FANCL: variants seen among roughly 807,000 people sequenced by gnomAD.
FANCL encodes the protein E3 ubiquitin-protein ligase FANCL.
FANCL carries 69 observed loss-of-function variants against 59.4 expected under a neutral mutation model. The ratio of observed to expected loss-of-function variants is 1.16; its 90% CI spans 0.96 to 1.42. FANCL has a LOEUF of 1.42. Among genes scored for constraint, FANCL ranks in the 40% most tolerant of loss-of-function variants. The pLI, the probability that FANCL is intolerant of heterozygous loss-of-function variation, is 0.00. For synonymous variants in FANCL, 180 were observed against 147.1 expected (o/e 1.22, Z -1.62); for missense variants, 519 against 447.2 (o/e 1.16, Z -1.45).
chr2:58,183,436 C>A (rs1688115513), intron 7 of FANCL, among the ~76,000 whole-genome samples: 1 of 151,810 alleles, frequency 6.6e-6, no homozygotes, highest in Non-Finnish European at 1.5e-5. Context: ...TTACAGCACT[C>A]CCCTTATTAG....
chr2:58,169,045 G>A (rs1686255607), intron 7 of FANCL, among the ~76,000 whole-genome samples: 1 of 152,150 alleles, frequency 6.6e-6, no homozygotes, highest in African/African-American at 2.4e-5. Flanking sequence ...AAATGTTCCT[G>A]CCTGCTGGCT....
chr2:58,179,479 T>TG (rs1175552797), intron 7 of FANCL, among the ~76,000 whole-genome samples: 2 of 152,160 alleles, frequency 1.3e-5, no homozygotes, highest in Non-Finnish European at 2.9e-5. Context: ...AAACAAGCAA[T>TG]GGGGAAAGGA....
intron 5 of FANCL, among the ~76,000 whole-genome samples, chr2:58,219,238 G>A (rs1247286435): frequency 1.6e-5 from 2 of 124,328 alleles, no homozygotes; most frequent in Admixed American, 1.9e-4. Flanking sequence ...AAGGACACAG[G>A]AGCCAACTGA....
chr2:58,174,083 C>T (rs560818312), intron 7 of FANCL, among the ~76,000 whole-genome samples: 1 of 152,162 alleles, frequency 6.6e-6, no homozygotes, highest in Non-Finnish European at 1.5e-5. Flanking sequence ...ACAAGAGGAG[C>T]TAACTATCCT....
chr2:58,202,718 C>T (rs1690167716), intron 6 of FANCL, among the ~76,000 whole-genome samples: 1 of 151,686 alleles, frequency 6.6e-6, no homozygotes, highest in Admixed American at 6.6e-5. Flanking sequence ...CAAAATGGAC[C>T]ATATTAAATT....
intron 5 of FANCL, among the ~76,000 whole-genome samples, chr2:58,207,424 C>T (rs149741023): frequency 6.6e-6 from 1 of 152,292 alleles, no homozygotes; most frequent in East Asian, 1.9e-4. Flanking sequence ...AATAGCCACA[C>T]ATGGCTACTG....
rs543748690 is a variant in FANCL at position 58,219,553 on chromosome 2, C to T, written c.374+2389G>A. 5.9e-5 allele frequency among the ~76,000 whole-genome samples: 9 copies of T among 151,764 alleles called. No individual in the cohort carries two copies. The East Asian group carries it at 1.4e-3, about 23-fold the overall frequency. ...ACAGTAACTTTACGGTGCAGAAACC[C>T]GACAAATACTACCTCACCAGGTAAT... On this transcript the variant is annotated intron_variant, in intron 5 of 13. Coordinates refer to ENST00000233741, the MANE Select transcript of FANCL (RefSeq NM_018062.4).
At chr2:58,159,845 A>AAAAAT in intron 13 of FANCL, 45 bp from the exon 14 acceptor site, 3 of 1,608,240 alleles carry the variant, frequency 1.9e-6, no homozygotes, top group Non-Finnish European at 2.5e-6. Flanking sequence ...GGACACTCTA[A>AAAAAT]AAAATAAAAT....
chr2:58,174,028 A>C (rs1442970986), intron 7 of FANCL, among the ~76,000 whole-genome samples: 2 of 152,088 alleles, frequency 1.3e-5, no homozygotes, highest in African/African-American at 4.8e-5. Context: ...CAAAGATCAA[A>C]AGAGACAAAG....
intron 1 of FANCL, among the ~76,000 whole-genome samples, chr2:58,233,863 G>C (rs921659294): frequency 6.6e-6 from 1 of 151,982 alleles, no homozygotes; most frequent in Non-Finnish European, 1.5e-5. Context: ...GCAGAAGATA[G>C]GAGAAAAGAT....
intron 8 of FANCL, among the ~76,000 whole-genome samples, chr2:58,165,497 G>A (rs1279953621): frequency 6.6e-6 from 1 of 152,074 alleles, no homozygotes; most frequent in East Asian, 1.9e-4. Flanking sequence ...ACTTCTGAAT[G>A]TTACCTCCAT....
chr2:58,168,202 G>A lies in FANCL; in HGVS notation c.541-2328C>T, dbSNP rs545498114. On this transcript the variant is annotated intron_variant, in intron 7 of 13. Transcript: ENST00000233741. Reference sequence around the variant, plus strand: ...ACAGCTCCAGTCTGCAGCTCCCAGCGAGATCAAGGCAGAAGGCAGGTGATT... The same window carrying A: ...ACAGCTCCAGTCTGCAGCTCCCAGCAAGATCAAGGCAGAAGGCAGGTGATT... Among the ~76,000 whole-genome samples, 13 of 152,288 alleles carry A rather than the reference G, an allele frequency of 8.5e-5. No individual in the cohort carries two copies. In the South Asian group the frequency reaches 1.9e-3, roughly 22 times the overall value.
chr2:58,203,302 G>A (rs1387948789), intron 6 of FANCL, among the ~76,000 whole-genome samples: 1 of 151,484 alleles, frequency 6.6e-6, no homozygotes, highest in Non-Finnish European at 1.5e-5. Flanking sequence ...TTTCTCTTGT[G>A]GAAAGCTTAA....
intron 1 of FANCL, among the ~76,000 whole-genome samples, chr2:58,235,402 A>G (rs546533330): frequency 6.6e-6 from 1 of 152,192 alleles, no homozygotes; most frequent in African/African-American, 2.4e-5. Flanking sequence ...TAGAGTGCTC[A>G]GAAGGTGTTG....
intron 7 of FANCL, among the ~76,000 whole-genome samples, chr2:58,171,735 G>A (rs944465162): frequency 2.0e-5 from 3 of 152,208 alleles, no homozygotes; most frequent in African/African-American, 4.8e-5. Flanking sequence ...ATCTCACTAG[G>A]GAGTGCCAGA....
At position 58,165,866 on chromosome 2, in the gene FANCL, T is replaced by G; in HGVS notation, c.549A>C (p.Leu183Phe). 1 of 1,613,978 alleles carries G rather than the reference T, an allele frequency of 6.2e-7. No homozygotes were observed. Among genetic ancestry groups the G allele is most frequent in the East Asian group, 2.2e-5 (1 of 44,846 alleles). The part of the protein sequence containing the change: ...FCASWTPQSS[L>F]ISIYSQFLAA... The stretch of plus-strand genomic sequence containing the variant: ...CCAAAAACTGACTATAAATGCTTAT[T>G]AAGGAGCTCTGTGAAAAAAATGAAA... The change falls in exon 8 of 14, where the codon TTA becomes TTC. Residue 183 changes from leucine to phenylalanine, a missense_variant. Transcript: ENST00000233741.
chr2:58,192,998 T>G (rs1315565527), intron 7 of FANCL, among the ~76,000 whole-genome samples: 1 of 151,910 alleles, frequency 6.6e-6, no homozygotes, highest in Non-Finnish European at 1.5e-5. Context: ...TTAAAAAGAT[T>G]GCATTAAAAA....
At chr2:58,240,891 T>C (rs1230147655) in intron 1 of FANCL, among the ~76,000 whole-genome samples, 3 of 151,206 alleles carry the variant, frequency 2.0e-5, no homozygotes, top group Non-Finnish European at 4.4e-5. Context: ...AGGCAAAATT[T>C]ACAAAAAAAA....
intron 4 of FANCL, among the ~76,000 whole-genome samples, chr2:58,224,174 A>G: frequency 6.6e-6 from 1 of 151,838 alleles, no homozygotes. Flanking sequence ...GTGACTTACA[A>G]TTTAATGAAG....
Sources: allele counts gnomAD v4.1 joint callset (sites outside exome capture counted in the v4.1 genomes callset), GRCh38; gene constraint gnomAD v4.1.1; transcripts MANE v1.5; gene names NCBI Gene and HGNC (gene_info 2026-07-23, HGNC 2026-07-21).